ARHGEF38: variants seen among roughly 807,000 people sequenced by gnomAD.
The protein encoded by ARHGEF38 is Rho guanine nucleotide exchange factor (GEF) 38.
ARHGEF38 carries 79 observed loss-of-function variants against 79.9 expected under a neutral mutation model. The ratio of observed to expected loss-of-function variants is 0.99; its 90% CI spans 0.82 to 1.19. ARHGEF38 has a LOEUF of 1.19. ARHGEF38 is among the 50% of genes most tolerant of loss of function. ARHGEF38 has a pLI of 0.00. For missense variants in ARHGEF38, 962 were observed against 907.2 expected (o/e 1.06, Z -0.78); for synonymous variants, 366 against 328.3 (o/e 1.11, Z -1.24).
intron 10 of ARHGEF38, among the ~76,000 whole-genome samples, chr4:105,665,825 T>C (rs191494414): frequency 6.6e-6 from 1 of 152,342 alleles, no homozygotes; most frequent in African/African-American, 2.4e-5. Context: ...CACAGGCTCT[T>C]AATCAGTGCT....
chr4:105,601,841 G>A (rs930580399), intron 2 of ARHGEF38, among the ~76,000 whole-genome samples: 10 of 152,188 alleles, frequency 6.6e-5, no homozygotes, highest in Admixed American at 2.0e-4. Context: ...CCAAAATTCC[G>A]TATCTTCCTT....
At chr4:105,647,803 C>A (rs1172252436) in intron 6 of ARHGEF38, among the ~76,000 whole-genome samples, 1 of 152,034 alleles carries the variant, frequency 6.6e-6, no homozygotes, top group African/African-American at 2.4e-5. Flanking sequence ...ATTCAGCTTG[C>A]CCCAAATCTC....
intron 3 of ARHGEF38, among the ~76,000 whole-genome samples, chr4:105,618,404 G>A (rs1728594728): frequency 6.6e-6 from 1 of 152,140 alleles, no homozygotes; most frequent in Non-Finnish European, 1.5e-5. Context: ...TTGGGAGGCT[G>A]ATGTGGGCGG....
intron 3 of ARHGEF38, among the ~76,000 whole-genome samples, chr4:105,626,943 C>G (rs926466845): frequency 4.6e-5 from 7 of 151,738 alleles, no homozygotes; most frequent in Non-Finnish European, 7.4e-5. Context: ...TATCTCCTTG[C>G]TTTTTGCACT....
chr4:105,607,326 T>C (rs969267526), intron 2 of ARHGEF38, among the ~76,000 whole-genome samples: 1 of 152,174 alleles, frequency 6.6e-6, no homozygotes. Context: ...TAAACCACTT[T>C]TGATCTTTGC....
At chr4:105,675,251 G>A (rs1280764902) in intron 13 of ARHGEF38, among the ~76,000 whole-genome samples, 1 of 152,074 alleles carries the variant, frequency 6.6e-6, no homozygotes, top group Non-Finnish European at 1.5e-5. Context: ...AGAAGATATT[G>A]GTCATAGCAG....
intron 1 of ARHGEF38, among the ~76,000 whole-genome samples, chr4:105,553,208 TC>T (rs1407338491): frequency 6.6e-6 from 1 of 152,192 alleles, no homozygotes; most frequent in Non-Finnish European, 1.5e-5. Context: ...CTTTTTTTTT[TC>T]CTGGTGAGGG....
intron 1 of ARHGEF38, 92 bp downstream of exon 1, chr4:105,553,053 G>A (rs776108692): frequency 7.8e-5 from 79 of 1,008,660 alleles, no homozygotes; most frequent in Non-Finnish European, 1.1e-4. Context: ...ACAAGGCAGA[G>A]GGGAAAATTG....
intron 7 of ARHGEF38, among the ~76,000 whole-genome samples, chr4:105,653,650 T>C (rs532496178): frequency 2.0e-5 from 3 of 152,330 alleles, no homozygotes; most frequent in South Asian, 4.1e-4. Context: ...TAAGCACTGT[T>C]AAATAAATTG....
intron 3 of ARHGEF38, among the ~76,000 whole-genome samples, chr4:105,629,126 C>G (rs1030785764): frequency 2.6e-5 from 4 of 152,158 alleles, no homozygotes; most frequent in African/African-American, 9.7e-5. Context: ...CTAAAAGCTA[C>G]TAAAATTTTA....
chr4:105,642,227 T>C (rs1422189328), intron 5 of ARHGEF38, among the ~76,000 whole-genome samples: 1 of 152,154 alleles, frequency 6.6e-6, no homozygotes, highest in Non-Finnish European at 1.5e-5. Flanking sequence ...TTCTACGATA[T>C]TGCTTGTCTG....
intron 2 of ARHGEF38, among the ~76,000 whole-genome samples, chr4:105,593,380 T>TAA (rs564696501): frequency 0.046 from 6,949 of 150,450 alleles, 207 homozygotes; most frequent in Middle Eastern, 0.11. Flanking sequence ...CATCCCTATT[T>TAA]AAAAAAAAAC....
chr4:105,631,795 G>T, intron 4 of ARHGEF38: 1 of 618,648 alleles, frequency 1.6e-6, no homozygotes, highest in Non-Finnish European at 2.0e-6. Flanking sequence ...TTCTGAATAT[G>T]CAGTTTCCTA....
At chr4:105,561,709 G>A (rs959707460) in intron 1 of ARHGEF38, 1 of 151,908 alleles carries the variant, frequency 6.6e-6, no homozygotes, top group African/African-American at 2.4e-5. Context: ...GAATTGTATA[G>A]ACAAAAGACA....
In ARHGEF38 at chr4:105,639,161, G is replaced by C. The variant is rs114388589; in HGVS notation, c.674+2741G>C. Among the ~76,000 whole-genome samples, 788 of 151,754 alleles carry C rather than the reference G, an allele frequency of 5.2e-3. 13 individuals are homozygous for C. The highest frequency in any genetic ancestry group is 0.018 in the African/African-American group (750 of 41,408). On this transcript the variant is annotated intron_variant, in intron 5 of 13. Transcript: ENST00000420470. ...TTATTTTAATTTGCATTTTTCCTATGTATTTAACTATTTGTATTTCATTTC... is the reference window on the plus strand; with the variant it reads ...TTATTTTAATTTGCATTTTTCCTATCTATTTAACTATTTGTATTTCATTTC...
intron 1 of ARHGEF38, among the ~76,000 whole-genome samples, chr4:105,554,016 C>A (rs556852073): frequency 6.6e-6 from 1 of 151,872 alleles, no homozygotes; most frequent in African/African-American, 2.4e-5. Flanking sequence ...TAAATTAAAT[C>A]TAAAAATTAT....
At chr4:105,596,818 G>A (rs1021557032) in intron 2 of ARHGEF38, among the ~76,000 whole-genome samples, 1 of 152,154 alleles carries the variant, frequency 6.6e-6, no homozygotes, top group Non-Finnish European at 1.5e-5. Flanking sequence ...CCTGGTGACC[G>A]TCATGACACC....
intron 3 of ARHGEF38, 22 bp downstream of exon 3, chr4:105,613,529 GTTCTAC>G (rs759141822): frequency 6.2e-7 from 1 of 1,609,918 alleles, no homozygotes; most frequent in South Asian, 1.1e-5. Flanking sequence ...CTCTTCTCGA[GTTCTAC>G]AATACAACAG....
intron 1 of ARHGEF38, among the ~76,000 whole-genome samples, chr4:105,553,858 G>A (rs1045640546): frequency 6.6e-6 from 1 of 152,122 alleles, no homozygotes; most frequent in East Asian, 1.9e-4. Context: ...TCATCCCACT[G>A]TGAGCTGTCG....
Sources: gnomAD v4.1 joint callset for allele counts (sites outside exome capture counted in the v4.1 genomes callset) on GRCh38, gnomAD v4.1.1 for gene constraint, MANE v1.5 for transcripts, NCBI Gene and HGNC (gene_info 2026-07-23, HGNC 2026-07-21) for gene names.